Variants in MR1 observed in about 807,000 individuals in gnomAD.
MR1 encodes major histocompatibility complex class I-related protein 1.
In MR1, 44 loss-of-function variants were observed where a neutral mutation model predicts 37.8. That is an observed-to-expected ratio of 1.16 (90% CI 0.91 to 1.50). MR1 has a LOEUF of 1.50. Among genes scored for constraint, MR1 ranks in the 40% most tolerant of loss-of-function variants. MR1 has a pLI of 0.00. For synonymous variants in MR1, 153 were observed against 155.8 expected (o/e 0.98, Z 0.13); for missense variants, 386 against 419.1 (o/e 0.92, Z 0.69).
intron 1 of MR1, among the ~76,000 whole-genome samples, chr1:181,046,014 C>T (rs937345325): frequency 6.6e-6 from 1 of 152,232 alleles, no homozygotes; most frequent in African/African-American, 2.4e-5. Flanking sequence ...CCAGAAGTGC[C>T]AGCCCACCAG....
intron 1 of MR1, among the ~76,000 whole-genome samples, chr1:181,048,224 T>TAAATA (rs10700002): frequency 0.34 from 43,671 of 126,802 alleles, 7,334 homozygotes; most frequent in African/African-American, 0.51. Context: ...CTCAAAAAAA[T>TAAATA]AAATAAAATA....
intron 1 of MR1, among the ~76,000 whole-genome samples, chr1:181,047,389 A>G (rs1290933882): frequency 3.3e-5 from 5 of 152,264 alleles, no homozygotes; most frequent in Middle Eastern, 3.4e-3. Flanking sequence ...TCATGAGGTC[A>G]GGAATTCGAG....
intron 1 of MR1, among the ~76,000 whole-genome samples, chr1:181,039,582 G>A (rs1657447460): frequency 6.6e-6 from 1 of 152,114 alleles, no homozygotes; most frequent in South Asian, 2.1e-4. Context: ...TTGCCCCCAT[G>A]AGGCCGGGCG....
At position 181,049,291 on chromosome 1, in the gene MR1, C is replaced by T. The variant is rs767868333; in HGVS notation, c.307C>T (p.Gln103Ter). The T allele has an allele frequency of 5.0e-6, 8 of 1,613,714 alleles. No homozygotes were observed. The highest frequency in any genetic ancestry group is 6.8e-6 in the Non-Finnish European group (8 of 1,179,874). The change falls in exon 2 of 6, where the codon CAG becomes TAG. Residue 103 changes from glutamine to a stop codon, truncating the protein, a stop_gained. Coordinates refer to ENST00000367580, the MANE Select transcript of MR1 (RefSeq NM_001385161.1). LOFTEE classifies it high-confidence loss of function. Reference protein sequence around the residue: ...QMFKVELKRLQRHYNHSGSHT... With the variant: ...QMFKVELKRL ...GTTCAAGGTGGAACTGAAGCGCCTACAGAGGCACTACAATCACTCAGGTGT... is the reference window on the plus strand; with the variant it reads ...GTTCAAGGTGGAACTGAAGCGCCTATAGAGGCACTACAATCACTCAGGTGT...
At chr1:181,033,819 C>T (rs1657130266), upstream of MR1, 1 of 526,010 alleles carries the variant, frequency 1.9e-6, no homozygotes, top group Non-Finnish European at 3.4e-6. Context: ...TGTCTGAAAC[C>T]AGCAAAGACT....
chr1:181,048,974 G>A (rs1052599624), intron 1 of MR1, 78 bp from the exon 2 acceptor site: 222 of 1,542,624 alleles, frequency 1.4e-4, no homozygotes, highest in Non-Finnish European at 1.1e-4. Context: ...GAGCACTCGT[G>A]TGGGGCTAAA....
Position 181,034,025 on chromosome 1 carries a change from G to C in MR1, c.18G>C (p.Ala6=), listed in dbSNP as rs3789360. MGELM[A]FLLPLIIVLM... is the part of the protein sequence containing the mutation. ...GAAGGACTATGGGGGAACTGATGGC[G>C]TTCCTGTTACCTCTCATCATTGTGT... Residue 6 remains alanine (A), a synonymous_variant, in exon 1 of 6, where the codon GCG becomes GCC. Coordinates refer to ENST00000367580, the MANE Select transcript of MR1 (RefSeq NM_001385161.1). The C allele has an allele frequency of 3.1e-6, 5 of 1,612,724 alleles. No homozygotes were observed. The East Asian group carries it at 8.9e-5, about 29-fold the overall frequency.
rs540886985 is a variant in MR1, at chr1:181,052,131, G to A, written c.605-104G>A. On this transcript the variant is annotated intron_variant, in intron 3 of 5. Transcript: ENST00000367580. ...TTCTGGGTCATTCTTAGCTTTAGAA[G>A]TTTCCTGCAATAAAGAAAAATTAGG... 48 of 1,334,492 alleles carry A rather than the reference G, an allele frequency of 3.6e-5. 2 individuals are homozygous for A. The South Asian group carries it at 6.8e-4, about 19-fold the overall frequency. 82.7% of individuals were successfully genotyped at this position (1,334,492 alleles called of 1,614,324 possible).
chr1:181,039,070 G>A (rs1192946276), intron 1 of MR1, among the ~76,000 whole-genome samples: 1 of 151,950 alleles, frequency 6.6e-6, no homozygotes, highest in Non-Finnish European at 1.5e-5. Context: ...CCCCCAAAGT[G>A]CTGGGATTAC....
chr1:181,050,626 A>C (rs1024318476), intron 3 of MR1: 47 of 324,018 alleles, frequency 1.5e-4, no homozygotes, highest in Non-Finnish European at 2.4e-5. Flanking sequence ...TAGTTAACAA[A>C]GGGCTCACAC....
In MR1 at chr1:181,053,598, GA is replaced by G. The variant is rs1223730390; in HGVS notation, c.909del (p.Ala304LeufsTer18). On this transcript the variant is annotated frameshift_variant, in exon 5 of 6. Transcript: ENST00000367580. LOFTEE classifies it high-confidence loss of function. Reference sequence around the variant, plus strand: ...AATCAGAAACTATCCCTCTTGTGATGAAAGCTGTCTCTGGGTCCATTGTCCT... The same window carrying G: ...AATCAGAAACTATCCCTCTTGTGATGAAGCTGTCTCTGGGTCCATTGTCCT... Reference protein sequence around the residue: ...QESETIPLVMKAVSGSIVLVI... With the variant: ...QESETIPLVMXAVSGSIVLVI... The G allele has an allele frequency of 6.2e-7, 1 of 1,613,920 alleles. No individual in the cohort carries two copies. The highest frequency in any genetic ancestry group is 1.7e-5 in the Admixed American group (1 of 60,008).
intron 1 of MR1, among the ~76,000 whole-genome samples, chr1:181,048,629 T>C (rs892860467): frequency 1.3e-5 from 2 of 152,186 alleles, no homozygotes; most frequent in African/African-American, 4.8e-5. Flanking sequence ...CCTCATTTAT[T>C]CACCAGAGGC....
chr1:181,055,134 G>A (rs1213651870), intron 5 of MR1, 91 bp from the exon 6 acceptor site: 47 of 1,206,850 alleles, frequency 3.9e-5, no homozygotes, highest in Non-Finnish European at 5.4e-5. Context: ...GTCGATGCCT[G>A]TTTCTCAGAT....
In MR1 at chr1:181,052,308, C is replaced by A. The variant is rs1253171478; in HGVS notation, c.678C>A (p.Gly226=). 2 of 1,614,182 alleles carry A rather than the reference C, an allele frequency of 1.2e-6. No homozygotes were observed. Among genetic ancestry groups the A allele is most frequent in the Non-Finnish European group, 1.7e-6 (2 of 1,180,030 alleles). The change falls in exon 4 of 6, where the codon GGC becomes GGA. Residue 226 remains glycine, a synonymous_variant. Transcript: ENST00000367580. ...GVTALFCKAH[G]FYPPEIYMTW... ...CAGCTCTCTTCTGCAAAGCTCATGG[C>A]TTTTACCCCCCAGAAATTTACATGA...
In MR1 at chr1:181,049,293, G is replaced by A. The variant is rs1354754347; in HGVS notation, c.309G>A (p.Gln103=). ...QMFKVELKRL[Q]RHYNHSGSHT... is the part of the protein sequence containing the mutation. The stretch of plus-strand genomic sequence containing the variant: ...TCAAGGTGGAACTGAAGCGCCTACA[G>A]AGGCACTACAATCACTCAGGTGTGC... The change falls in exon 2 of 6, where the codon CAG becomes CAA. Residue 103 remains glutamine, a synonymous_variant. Coordinates refer to ENST00000367580, the MANE Select transcript of MR1 (RefSeq NM_001385161.1). The A allele has an allele frequency of 6.2e-7, 1 of 1,613,674 alleles. No homozygotes were observed. Among genetic ancestry groups the A allele is most frequent in the Non-Finnish European group, 8.5e-7 (1 of 1,179,874 alleles).
rs1217001422 is a variant in MR1 at position 181,055,688 on chromosome 1, A to C, written c.*423A>C. 1 of 186,256 alleles carries C rather than the reference A, an allele frequency of 5.4e-6. No homozygotes were observed. Among genetic ancestry groups the C allele is most frequent in the Non-Finnish European group, 1.1e-5 (1 of 89,756 alleles). 11.5% of individuals were successfully genotyped at this position (186,256 alleles called of 1,614,324 possible). A position where few individuals can be genotyped will look rare whatever the true frequency, so the allele number is the denominator to read the frequency against. On this transcript the variant is annotated 3_prime_UTR_variant, in exon 6 of 6. Coordinates refer to ENST00000367580, the MANE Select transcript of MR1 (RefSeq NM_001385161.1). ...AACACCATGTGAAGGGAACCTCAGT[A>C]CTTCATAAAATGGCCTTTCTCATTC...
In MR1 at chr1:181,058,411, G is replaced by A. The variant is rs1221620914; in HGVS notation, c.*3146G>A. 2.0e-5 allele frequency: 3 copies of A among 151,694 alleles called. No homozygotes were observed. Among genetic ancestry groups the A allele is most frequent in the South Asian group, 2.1e-4 (1 of 4,808 alleles). The allele number at this position is 151,694 out of a possible 1,614,324, so 9.4% of individuals were successfully genotyped here. A position where few individuals can be genotyped will look rare whatever the true frequency, so the allele number is the denominator to read the frequency against. On this transcript the variant is annotated 3_prime_UTR_variant, in exon 6 of 6. Transcript: ENST00000367580. ...GACCAAGATGTGGTAAATTTAAATG[G>A]CAGATGTTTTTGATGTGGTACATTT...
At chr1:181,042,269 C>T (rs1379309374) in intron 1 of MR1, among the ~76,000 whole-genome samples, 11 of 146,932 alleles carry the variant, frequency 7.5e-5, no homozygotes, top group African/African-American at 2.8e-4. Flanking sequence ...GTGGCGCGAT[C>T]TCGGCTCACC....
chr1:181,045,479 G>A (rs1435893926), intron 1 of MR1, among the ~76,000 whole-genome samples: 6 of 151,828 alleles, frequency 4.0e-5, no homozygotes, highest in South Asian at 4.2e-4. Flanking sequence ...CCGCCTTCTC[G>A]AACCTCCTGC....
Sources: gnomAD v4.1 joint callset for allele counts (sites outside exome capture counted in the v4.1 genomes callset) on GRCh38, gnomAD v4.1.1 for gene constraint, MANE v1.5 for transcripts, NCBI Gene and HGNC (gene_info 2026-07-23, HGNC 2026-07-21) for gene names.